Variants in ARHGEF10 observed in about 807,000 individuals in gnomAD.
ARHGEF10 encodes Rho guanine nucleotide exchange factor 10, also known as Rho guanine nucleotide exchange factor (GEF) 10.
A neutral mutation model predicts 147.4 loss-of-function variants in ARHGEF10; 140 were observed. That is an observed-to-expected ratio of 0.95 (90% CI 0.83 to 1.09). The LOEUF (loss-of-function observed/expected upper bound fraction) is 1.09, where lower values mean the gene tolerates loss of function less well. Among genes scored for constraint, ARHGEF10 ranks in the 50% least tolerant of loss-of-function variants. The pLI is 0.00. For synonymous variants in ARHGEF10, 902 were observed against 695.8 expected, an observed-to-expected ratio of 1.30 and a Z score of -4.67; for missense variants, 2,222 against 1,752.7, an observed-to-expected ratio of 1.27 and a Z score of -4.78.
chr8:1,905,446 A>G (rs1254643949), intron 16 of ARHGEF10, 125 bp from the exon 17 acceptor site: 1 of 1,209,134 alleles, frequency 8.3e-7, no homozygotes, highest in African/African-American at 1.5e-5. Context: ...GGAACATAGG[A>G]ACGATTTCCG....
intron 19 of ARHGEF10, 54 bp from the exon 20 acceptor site, chr8:1,923,414 G>A: frequency 6.2e-7 from 1 of 1,612,138 alleles, no homozygotes; most frequent in Non-Finnish European, 8.5e-7. Context: ...TCTTCCTTGG[G>A]ATGGCCCTAG....
chr8:1,893,655 G>A lies in ARHGEF10; in HGVS notation c.1260+9G>A. The stretch of plus-strand genomic sequence containing the variant: ...TTAAGAGGATTTTGGAGGTACTTAA[G>A]TGTCGTGTTACATAATACATACATT... On this transcript the variant is annotated intron_variant, in intron 12 of 28. Coordinates refer to ENST00000349830, the MANE Select transcript of ARHGEF10 (RefSeq NM_014629.4). 1.9e-6 allele frequency: 3 copies of A among 1,593,972 alleles called. No homozygotes were observed. The highest frequency in any genetic ancestry group is 2.2e-5 in the East Asian group (1 of 44,662).
intron 26 of ARHGEF10, among the ~76,000 whole-genome samples, chr8:1,942,537 GTT>G (rs959797195): frequency 1.3e-5 from 2 of 152,136 alleles, no homozygotes; most frequent in African/African-American, 4.8e-5. Context: ...TGAGAAGACA[GTT>G]TGTGATTTCT....
At chr8:1,916,872 CAT>C (rs1264279004) in intron 18 of ARHGEF10, among the ~76,000 whole-genome samples, 6 of 152,216 alleles carry the variant, frequency 3.9e-5, no homozygotes, top group African/African-American at 1.4e-4. Flanking sequence ...TGTATTAACA[CAT>C]GAGTGATTTC....
intron 17 of ARHGEF10, among the ~76,000 whole-genome samples, chr8:1,906,030 T>A (rs1322142504): frequency 1.3e-5 from 2 of 152,212 alleles, no homozygotes; most frequent in Non-Finnish European, 2.9e-5. Flanking sequence ...TTTCTTATGG[T>A]TTAAATTCTC....
At chr8:1,882,868 C>G (rs1484397875) in intron 10 of ARHGEF10, 119 bp downstream of exon 10, 1 of 882,272 alleles carries the variant, frequency 1.1e-6, no homozygotes, top group East Asian at 2.6e-5. Context: ...TTAGGGAGCA[C>G]CAGCCTGCTC....
chr8:1,842,374 G>A (rs1804161189), intron 1 of ARHGEF10, among the ~76,000 whole-genome samples: 1 of 152,204 alleles, frequency 6.6e-6, no homozygotes, highest in Non-Finnish European at 1.5e-5. Context: ...CGGCCTGGTG[G>A]CGTCCTGGGT....
chr8:1,908,374 GCA>G (rs1811076237), intron 17 of ARHGEF10, among the ~76,000 whole-genome samples: 1 of 151,812 alleles, frequency 6.6e-6, no homozygotes, highest in Non-Finnish European at 1.5e-5. Context: ...GGGACTACAG[GCA>G]CCCACCACCA....
intron 4 of ARHGEF10, among the ~76,000 whole-genome samples, chr8:1,863,968 C>T (rs967419223): frequency 3.9e-5 from 6 of 152,218 alleles, no homozygotes; most frequent in Admixed American, 3.3e-4. Flanking sequence ...AGGCCAGTCA[C>T]AGCCGTGGCT....
chr8:1,859,894 C>T lies in ARHGEF10; in HGVS notation c.194-3C>T. 6.2e-6 allele frequency: 10 copies of T among 1,614,086 alleles called. No individual in the cohort carries two copies. Among genetic ancestry groups the T allele is most frequent in the Non-Finnish European group, 8.5e-6 (10 of 1,180,028 alleles). ...TGCTGACAAGTCCTTTCTGCATCCC[C>T]AGGAGGTGAGGATGGAGCTGGAGCA... On this transcript the variant is annotated splice_polypyrimidine_tract_variant and splice_region_variant and intron_variant, in intron 3 of 28. Transcript: ENST00000349830.
intron 11 of ARHGEF10, among the ~76,000 whole-genome samples, chr8:1,891,439 A>G (rs1471276482): frequency 1.3e-5 from 2 of 152,204 alleles, no homozygotes; most frequent in Admixed American, 1.3e-4. Context: ...TCTTTTTGAA[A>G]TAAAGAAGGG....
intron 27 of ARHGEF10, among the ~76,000 whole-genome samples, chr8:1,946,502 T>C (rs1234025025): frequency 6.6e-6 from 1 of 152,184 alleles, no homozygotes; most frequent in Non-Finnish European, 1.5e-5. Flanking sequence ...GCCTTCTGGC[T>C]GGGGCCTCAT....
intron 26 of ARHGEF10, among the ~76,000 whole-genome samples, chr8:1,941,001 C>G (rs972002580): frequency 6.6e-6 from 1 of 152,216 alleles, no homozygotes; most frequent in Non-Finnish European, 1.5e-5. Flanking sequence ...CTATAAAACA[C>G]TCACAGCTAA....
intron 15 of ARHGEF10, among the ~76,000 whole-genome samples, chr8:1,901,699 G>C (rs1810476007): frequency 6.6e-6 from 1 of 152,256 alleles, no homozygotes; most frequent in Non-Finnish European, 1.5e-5. Flanking sequence ...GCTGGCTGCT[G>C]TCTCCATCGC....
Position 1,957,938 on chromosome 8 carries a change from C to T in ARHGEF10, c.*675C>T, listed in dbSNP as rs1465678471. ...GTTAATGTTTCAGTCAATGTATTAT[C>T]TGTAGCATTTCACAAATAATGTTTG... is the stretch of plus-strand genomic sequence containing the variant. On this transcript the variant is annotated 3_prime_UTR_variant, in exon 29 of 29. Coordinates refer to ENST00000349830, the MANE Select transcript of ARHGEF10 (RefSeq NM_014629.4). 1 of 152,262 alleles carries T rather than the reference C, an allele frequency of 6.6e-6. No homozygotes were observed. Among genetic ancestry groups the T allele is most frequent in the South Asian group, 2.1e-4 (1 of 4,832 alleles). 9.4% of individuals were successfully genotyped at this position (152,262 alleles called of 1,614,324 possible).
At chr8:1,940,094 T>A (rs1263239665) in intron 26 of ARHGEF10, among the ~76,000 whole-genome samples, 1 of 152,212 alleles carries the variant, frequency 6.6e-6, no homozygotes, top group African/African-American at 2.4e-5. Flanking sequence ...TTGGTTTTTT[T>A]AAATCATCTT....
At chr8:1,896,903 T>C (rs1461588585) in intron 14 of ARHGEF10, among the ~76,000 whole-genome samples, 1 of 152,196 alleles carries the variant, frequency 6.6e-6, no homozygotes, top group Non-Finnish European at 1.5e-5. Context: ...ACAGCACTGA[T>C]GGCCTTCCTC....
rs11136446 is a variant in ARHGEF10, at chr8:1,944,116, G to T, written c.3223-1365G>T. Among the ~76,000 whole-genome samples the T allele has an allele frequency of 2.9e-4, 21 of 72,372 alleles. No homozygotes were observed. The Admixed American group carries it at 3.4e-3, about 12-fold the overall frequency. The allele number at this position is 72,372 out of a possible 152,430, so 47.5% of individuals were successfully genotyped here. A position where few individuals can be genotyped will look rare whatever the true frequency, so the allele number is the denominator to read the frequency against. ...GGACCCCAGCCTCCCGCACTGTGTC[G>T]CCTCCCCCAGGATCCCAGCCTCCCG... is the stretch of plus-strand genomic sequence containing the variant. On this transcript the variant is annotated intron_variant, in intron 26 of 28. Coordinates refer to ENST00000349830, the MANE Select transcript of ARHGEF10 (RefSeq NM_014629.4).
At chr8:1,883,159 A>T (rs984036267) in intron 10 of ARHGEF10, among the ~76,000 whole-genome samples, 1 of 151,856 alleles carries the variant, frequency 6.6e-6, no homozygotes, top group African/African-American at 2.4e-5. Flanking sequence ...GTGAGGGGAG[A>T]TTTGGAGTAG....
Sources: allele counts gnomAD v4.1 joint callset (sites outside exome capture counted in the v4.1 genomes callset), GRCh38; gene constraint gnomAD v4.1.1; transcripts MANE v1.5; gene names NCBI Gene and HGNC (gene_info 2026-07-23, HGNC 2026-07-21).